The following DOCK3 variants were observed in gnomAD, a reference collection of about 807,000 sequenced individuals.
DOCK3 encodes dedicator of cytokinesis 3.
A neutral mutation model predicts 265.6 loss-of-function variants in DOCK3; 60 were observed. That is an observed-to-expected ratio of 0.23 (90% CI 0.18 to 0.28). The LOEUF (loss-of-function observed/expected upper bound fraction) is 0.28, where lower values mean the gene tolerates loss of function less well. DOCK3 is among the 10% of genes least tolerant of loss of function. DOCK3 has a pLI of 1.00. For missense variants in DOCK3, 1,981 were observed against 2,594.3 expected, an observed-to-expected ratio of 0.76 and a Z score of 5.14; for synonymous variants, 881 against 938.0, an observed-to-expected ratio of 0.94 and a Z score of 1.11.
At chr3:50,791,480 G>T (rs1466272955) in intron 2 of DOCK3, among the ~76,000 whole-genome samples, 3 of 151,864 alleles carry the variant, frequency 2.0e-5, no homozygotes, top group African/African-American at 4.8e-5. Flanking sequence ...TACCATGTTG[G>T]CCAGGTTGGT....
intron 2 of DOCK3, among the ~76,000 whole-genome samples, chr3:50,802,119 C>A (rs888966011): frequency 6.6e-6 from 1 of 152,092 alleles, no homozygotes; most frequent in African/African-American, 2.4e-5. Flanking sequence ...GGCAGTATAT[C>A]ATAGGGTCTT....
intron 5 of DOCK3, among the ~76,000 whole-genome samples, chr3:50,974,740 A>G (rs2077373346): frequency 7.9e-6 from 1 of 126,256 alleles, no homozygotes; most frequent in Non-Finnish European, 1.7e-5. Flanking sequence ...CAGTATGGCC[A>G]TTTTCACGAT....
chr3:50,712,645 G>A (rs559166010), intron 1 of DOCK3, among the ~76,000 whole-genome samples: 163 of 152,258 alleles, frequency 1.1e-3, no homozygotes, highest in African/African-American at 3.7e-3. Flanking sequence ...GCCGCCTCTT[G>A]TAAGATTTGA....
intron 5 of DOCK3, among the ~76,000 whole-genome samples, chr3:51,056,908 G>A (rs1306369120): frequency 1.3e-5 from 2 of 152,176 alleles, no homozygotes; most frequent in Non-Finnish European, 2.9e-5. Context: ...TGATTTTGAT[G>A]TAAAGTTTTT....
intron 40 of DOCK3, among the ~76,000 whole-genome samples, chr3:51,353,036 G>A (rs1398858428): frequency 6.6e-6 from 1 of 152,174 alleles, no homozygotes; most frequent in East Asian, 1.9e-4. Context: ...TCTGCAAAGA[G>A]TCAGGAAAAC....
chr3:50,831,399 C>CG (rs906263807), intron 2 of DOCK3, among the ~76,000 whole-genome samples: 1 of 151,980 alleles, frequency 6.6e-6, no homozygotes, highest in African/African-American at 2.4e-5. Context: ...CTCTGACATG[C>CG]CCTGGTGTGT....
Position 51,348,864 on chromosome 3 carries a change from G to A in DOCK3, c.3928G>A (p.Gly1310Arg). Residue 1310 changes from glycine to arginine, a missense_variant, in exon 39 of 53, where the codon GGG becomes AGG. Around this residue, in one of 4 missense-constraint regions of DOCK3, gnomAD observed 1,357 missense variants for 1,866.8 expected, o/e 0.73. Coordinates refer to ENST00000266037, the MANE Select transcript of DOCK3 (RefSeq NM_004947.5). ...GTTTCTGACACAGAGCTGGGAGTTT[G>A]GGATCCCACTGTGCAGGGAGCTGGC... ...YFNKGKSWEF[G>R]IPLCRELACQ... The A allele has an allele frequency of 1.3e-6, 2 of 1,580,644 alleles. No homozygotes were observed.
At chr3:50,895,276 A>G (rs1403369507) in intron 4 of DOCK3, among the ~76,000 whole-genome samples, 1 of 147,468 alleles carries the variant, frequency 6.8e-6, no homozygotes, top group African/African-American at 2.5e-5. Context: ...CTTCCAGGGT[A>G]CATGTCCATC....
chr3:51,215,789 A>T (rs928288738), intron 14 of DOCK3, among the ~76,000 whole-genome samples: 1 of 152,174 alleles, frequency 6.6e-6, no homozygotes, highest in Non-Finnish European at 1.5e-5. Flanking sequence ...AGTCTTTTGG[A>T]TGGGAAATGT....
chr3:51,333,284 C>G, intron 35 of DOCK3, 31 bp downstream of exon 35: 1 of 1,601,004 alleles, frequency 6.2e-7, no homozygotes. Flanking sequence ...TCCCCTCTTC[C>G]CTTGTCAGGA....
chr3:51,339,439 C>T (rs1008996269), intron 37 of DOCK3, among the ~76,000 whole-genome samples: 4 of 152,160 alleles, frequency 2.6e-5, no homozygotes, highest in African/African-American at 9.7e-5. Context: ...TCCCCCTAAC[C>T]CTGGAACTTC....
chr3:51,367,780 G>T (rs1435164256), intron 49 of DOCK3, among the ~76,000 whole-genome samples: 1 of 152,144 alleles, frequency 6.6e-6, no homozygotes, highest in Admixed American at 6.5e-5. Flanking sequence ...GAAATTCTGG[G>T]TTAAAAATTC....
intron 12 of DOCK3, among the ~76,000 whole-genome samples, chr3:51,197,738 T>G (rs577985268): frequency 3.3e-5 from 5 of 150,780 alleles, no homozygotes; most frequent in Non-Finnish European, 5.9e-5. Context: ...AGGTGAGGGG[T>G]GTTAGCAGCT....
chr3:50,744,160 A>G (rs1444680799), intron 1 of DOCK3, among the ~76,000 whole-genome samples: 1 of 152,126 alleles, frequency 6.6e-6, no homozygotes, highest in East Asian at 1.9e-4. Context: ...GGCCTTCTTT[A>G]TATATTCTGT....
intron 5 of DOCK3, among the ~76,000 whole-genome samples, chr3:51,021,912 C>T (rs928406041): frequency 7.2e-5 from 11 of 152,106 alleles, no homozygotes; most frequent in Non-Finnish European, 1.5e-4. Flanking sequence ...CTGCCTGCCT[C>T]GGCCTCCCTA....
intron 5 of DOCK3, among the ~76,000 whole-genome samples, chr3:51,059,116 T>C (rs2081307806): frequency 6.6e-6 from 1 of 152,052 alleles, no homozygotes; most frequent in Non-Finnish European, 1.5e-5. Context: ...GTGTCTATTG[T>C]TGTTGTTTTT....
rs566729244 is a variant in DOCK3 at position 50,761,146 on chromosome 3, T to C, written c.38-17529T>C. Among the ~76,000 whole-genome samples the C allele has an allele frequency of 2.6e-5, 4 of 152,218 alleles. No individual in the cohort carries two copies. In the South Asian group the frequency reaches 6.2e-4, roughly 24 times the overall value. ...TCTTTATTTTTTTATTTTTATATCA[T>C]TTTTTAAAAATTTAGCTTTTACTTT... On this transcript the variant is annotated intron_variant, in intron 1 of 52. Transcript: ENST00000266037.
intron 2 of DOCK3, among the ~76,000 whole-genome samples, chr3:50,812,673 A>G (rs1446458878): frequency 2.0e-5 from 3 of 152,200 alleles, no homozygotes; most frequent in East Asian, 1.9e-4. Flanking sequence ...CAGGCTTTCA[A>G]AAGATCAGAT....
intron 5 of DOCK3, among the ~76,000 whole-genome samples, chr3:50,945,858 G>C (rs2076412117): frequency 6.6e-6 from 1 of 152,086 alleles, no homozygotes; most frequent in Non-Finnish European, 1.5e-5. Context: ...CTAGCTGCAT[G>C]ATTTTGAGCA....
Sources: allele counts gnomAD v4.1 joint callset (sites outside exome capture counted in the v4.1 genomes callset), GRCh38; gene constraint gnomAD v4.1.1; regional missense constraint gnomAD v4.1.1; transcripts MANE v1.5; gene names NCBI Gene and HGNC (gene_info 2026-07-23, HGNC 2026-07-21).